AGO3: variants seen among roughly 807,000 people sequenced by gnomAD.
The protein encoded by AGO3 is argonaute RISC catalytic component 3.
Under a neutral mutation model 105.5 loss-of-function variants are expected in AGO3, and 16 were observed. That is an observed-to-expected ratio of 0.15 (90% CI 0.10 to 0.23). The LOEUF (loss-of-function observed/expected upper bound fraction) is 0.23, where lower values mean the gene tolerates loss of function less well. Ranked by LOEUF, AGO3 falls within the 10% of genes least tolerant of loss-of-function variation. AGO3 has a pLI of 1.00. For missense variants in AGO3, 534 were observed against 1,088.0 expected, an observed-to-expected ratio of 0.49 and a Z score of 7.16; for synonymous variants, 340 against 367.3, an observed-to-expected ratio of 0.93 and a Z score of 0.85.
chr1:35,948,272 C>T (rs1435880820), intron 2 of AGO3, among the ~76,000 whole-genome samples: 4 of 148,018 alleles, frequency 2.7e-5, no homozygotes, highest in African/African-American at 5.0e-5. Flanking sequence ...GGCTGGAGTG[C>T]AATGGCGCGA....
chr1:35,964,223 A>G (rs1326344253), intron 2 of AGO3, among the ~76,000 whole-genome samples: 1 of 152,122 alleles, frequency 6.6e-6, no homozygotes, highest in Non-Finnish European at 1.5e-5. Context: ...ATTGTCACCC[A>G]GGTATTAAGC....
chr1:36,000,965 G>A (rs1436951137), intron 5 of AGO3, among the ~76,000 whole-genome samples: 1 of 152,150 alleles, frequency 6.6e-6, no homozygotes, highest in African/African-American at 2.4e-5. Context: ...GCCAGGCGTG[G>A]TGGCTCACGC....
intron 1 of AGO3, among the ~76,000 whole-genome samples, chr1:35,943,735 C>T (rs1646302914): frequency 6.6e-6 from 1 of 151,602 alleles, no homozygotes; most frequent in Admixed American, 6.6e-5. Context: ...TTCTGAGTAG[C>T]TGGGACTACA....
At chr1:36,032,564 G>T (rs1269536573) in intron 12 of AGO3, among the ~76,000 whole-genome samples, 1 of 152,062 alleles carries the variant, frequency 6.6e-6, no homozygotes, top group African/African-American at 2.4e-5. Context: ...AAAAAAATTT[G>T]GCAGGGATGG....
At chr1:35,944,019 C>T (rs1039280577) in intron 1 of AGO3, among the ~76,000 whole-genome samples, 2 of 152,032 alleles carry the variant, frequency 1.3e-5, no homozygotes, top group Admixed American at 1.3e-4. Context: ...TTTGTTTATT[C>T]ATTCATCTAT....
intron 5 of AGO3, among the ~76,000 whole-genome samples, chr1:35,975,615 T>C (rs1325044759): frequency 6.6e-6 from 1 of 152,164 alleles, no homozygotes; most frequent in African/African-American, 2.4e-5. Context: ...TACATATGTA[T>C]TGGTCAGTCA....
intron 16 of AGO3, among the ~76,000 whole-genome samples, chr1:36,041,156 A>G (rs1380149408): frequency 6.7e-6 from 1 of 149,504 alleles, no homozygotes; most frequent in African/African-American, 2.5e-5. Flanking sequence ...GAATTATTTT[A>G]TGCATTTTAT....
At chr1:36,054,896 A>G in intron 17 of AGO3, 50 bp from the exon 18 acceptor site, 1 of 1,576,196 alleles carries the variant, frequency 6.3e-7, no homozygotes, top group Non-Finnish European at 8.7e-7. Flanking sequence ...AACAAAACAA[A>G]ACAAAAAGAG....
intron 17 of AGO3, among the ~76,000 whole-genome samples, chr1:36,047,425 A>G (rs1335353240): frequency 3.9e-5 from 6 of 151,972 alleles, no homozygotes; most frequent in Non-Finnish European, 7.4e-5. Context: ...AAGACAGGTC[A>G]TTTGAAAAAA....
chr1:35,949,742 C>T (rs1026118302), intron 2 of AGO3, among the ~76,000 whole-genome samples: 2 of 152,160 alleles, frequency 1.3e-5, no homozygotes, highest in Non-Finnish European at 2.9e-5. Context: ...CCACTTAAGC[C>T]TCCTGAGTAG....
Position 36,060,327 on chromosome 1 carries a change from T to G in AGO3, c.*4582T>G, listed in dbSNP as rs1316973685. 6.6e-6 allele frequency: 1 copy of G among 152,242 alleles called. No homozygotes were observed. The highest frequency in any genetic ancestry group is 1.5e-5 in the Non-Finnish European group (1 of 68,060). 9.4% of individuals were successfully genotyped at this position (152,242 alleles called of 1,614,324 possible). A position where few individuals can be genotyped will look rare whatever the true frequency, so the allele number is the denominator to read the frequency against. On this transcript the variant is annotated 3_prime_UTR_variant, in exon 19 of 19. Transcript: ENST00000373191. ...ATGTCTAGGGAAATAAAACCTGACT[T>G]GCCCTTCAGCAGGAATGACTGGCAG...
At chr1:36,032,104 A>T (rs1641807125) in intron 12 of AGO3, among the ~76,000 whole-genome samples, 2 of 152,030 alleles carry the variant, frequency 1.3e-5, no homozygotes, top group South Asian at 4.1e-4. Context: ...TGGTAATTCT[A>T]TTTTTAATTT....
At chr1:35,982,003 A>G (rs1023655666) in intron 5 of AGO3, among the ~76,000 whole-genome samples, 5 of 152,172 alleles carry the variant, frequency 3.3e-5, no homozygotes, top group Non-Finnish European at 5.9e-5. Context: ...CTAAAGATAT[A>G]TGGTATTTTT....
chr1:35,962,802 A>G (rs1482184660), intron 2 of AGO3, among the ~76,000 whole-genome samples: 2 of 152,226 alleles, frequency 1.3e-5, no homozygotes, highest in African/African-American at 4.8e-5. Context: ...ACAAAACTGT[A>G]AAGTTAATAA....
At chr1:36,021,232 G>A (rs946228159) in intron 11 of AGO3, among the ~76,000 whole-genome samples, 3 of 151,972 alleles carry the variant, frequency 2.0e-5, no homozygotes, top group Admixed American at 6.6e-5. Context: ...GCGCCCAGCC[G>A]CCATTACTTT....
chr1:35,998,416 A>G (rs1289830829), intron 5 of AGO3, among the ~76,000 whole-genome samples: 1 of 152,202 alleles, frequency 6.6e-6, no homozygotes, highest in African/African-American at 2.4e-5. Flanking sequence ...TCTAGAGTAT[A>G]TATTCCACTA....
chr1:35,999,238 G>T (rs1259890169), intron 5 of AGO3, among the ~76,000 whole-genome samples: 1 of 152,106 alleles, frequency 6.6e-6, no homozygotes, highest in Non-Finnish European at 1.5e-5. Context: ...TACTCGGGAG[G>T]CTGAGGCAGG....
At chr1:35,940,316 G>A (rs902426444) in intron 1 of AGO3, among the ~76,000 whole-genome samples, 5 of 151,988 alleles carry the variant, frequency 3.3e-5, no homozygotes, top group Admixed American at 2.0e-4. Flanking sequence ...ATCCGCCCGC[G>A]TCAGCCTCCC....
intron 5 of AGO3, among the ~76,000 whole-genome samples, chr1:36,003,141 A>ATTT (rs201615643): frequency 1.8e-4 from 27 of 146,762 alleles, no homozygotes; most frequent in Middle Eastern, 3.6e-3. Flanking sequence ...GACAGTGGGC[A>ATTT]TTTTTTTTTT....
Sources: allele counts gnomAD v4.1 joint callset (sites outside exome capture counted in the v4.1 genomes callset), GRCh38; gene constraint gnomAD v4.1.1; transcripts MANE v1.5; gene names NCBI Gene and HGNC (gene_info 2026-07-23, HGNC 2026-07-21).